GOLM1: variants seen among roughly 807,000 people sequenced by gnomAD.
GOLM1 encodes epididymis luminal protein 46.
GOLM1 carries 31 observed loss-of-function variants against 50.5 expected under a neutral mutation model. The ratio of observed to expected loss-of-function variants is 0.61; its 90% CI spans 0.46 to 0.83. The LOEUF is 0.83. Ranked by LOEUF, GOLM1 falls within the 40% of genes least tolerant of loss-of-function variation. GOLM1 has a pLI of 0.00. For synonymous variants in GOLM1, 178 were observed against 192.8 expected, an observed-to-expected ratio of 0.92 and a Z score of 0.64; for missense variants, 491 against 501.3, an observed-to-expected ratio of 0.98 and a Z score of 0.20.
At chr9:86,058,087 C>T (rs999798056) in intron 3 of GOLM1, among the ~76,000 whole-genome samples, 1 of 152,116 alleles carries the variant, frequency 6.6e-6, no homozygotes, top group African/African-American at 2.4e-5. Context: ...ATCTTAGTAA[C>T]CTAGGAATGA....
At position 86,026,850 on chromosome 9, in the gene GOLM1, G is replaced by A. The variant is rs1016501919; in HGVS notation, c.*967C>T. The A allele has an allele frequency of 2.8e-5, 27 of 978,810 alleles. No individual in the cohort carries two copies. Among genetic ancestry groups the A allele is most frequent in the Middle Eastern group, 5.2e-4 (1 of 1,928 alleles). The allele number at this position is 978,810 out of a possible 1,614,324, so 60.6% of individuals were successfully genotyped here. A position where few individuals can be genotyped will look rare whatever the true frequency, so the allele number is the denominator to read the frequency against. ...GTACACTATGATAAAAACAACCATT[G>A]TATTCCTGTTTTTCTAAACAGTCCT... On this transcript the variant is annotated 3_prime_UTR_variant, in exon 10 of 10. Coordinates refer to ENST00000388712, the MANE Select transcript of GOLM1 (RefSeq NM_016548.4).
intron 4 of GOLM1, 59 bp from the exon 5 acceptor site, chr9:86,046,631 C>T (rs930996803): frequency 1.3e-5 from 13 of 1,011,160 alleles, no homozygotes; most frequent in Non-Finnish European, 2.0e-5. Flanking sequence ...TGCCATTCAG[C>T]CAAAATATGA....
chr9:86,045,728 A>G (rs1003588443), intron 5 of GOLM1, among the ~76,000 whole-genome samples: 13 of 151,588 alleles, frequency 8.6e-5, no homozygotes, highest in African/African-American at 3.2e-4. Flanking sequence ...ACATAACGCA[A>G]GTAAAAAAAT....
At chr9:86,077,635 A>G in intron 2 of GOLM1, 44 bp from the exon 3 acceptor site, 1 of 1,477,562 alleles carries the variant, frequency 6.8e-7, no homozygotes, top group Non-Finnish European at 9.4e-7. Context: ...AAGTTACCTG[A>G]GGAGCCTGGA....
intron 6 of GOLM1, among the ~76,000 whole-genome samples, chr9:86,039,222 G>A (rs1232011534): frequency 1.3e-5 from 2 of 152,224 alleles, no homozygotes; most frequent in African/African-American, 4.8e-5. Flanking sequence ...GGATATCACA[G>A]TTATTAGGGA....
At chr9:86,037,438 C>CAAAAAAAAA (rs112398885) in intron 6 of GOLM1, among the ~76,000 whole-genome samples, 1 of 59,210 alleles carries the variant, frequency 1.7e-5, no homozygotes, top group African/African-American at 4.7e-5. Flanking sequence ...GACTGTCTCT[C>CAAAAAAAAA]AAAAAAAAAA....
intron 1 of GOLM1, among the ~76,000 whole-genome samples, chr9:86,094,841 T>C (rs1349916904): frequency 4.6e-5 from 7 of 152,134 alleles, no homozygotes; most frequent in Non-Finnish European, 1.0e-4. Context: ...CCCAGCACTT[T>C]GGGAGGCCAA....
intron 3 of GOLM1, among the ~76,000 whole-genome samples, chr9:86,060,974 A>G (rs952026694): frequency 6.7e-6 from 1 of 149,904 alleles, no homozygotes; most frequent in Admixed American, 6.7e-5. Context: ...AATACTTGAC[A>G]TGAGGAATTC....
intron 1 of GOLM1, chr9:86,080,262 T>C (rs1282841565): frequency 2.0e-5 from 3 of 152,206 alleles, no homozygotes; most frequent in Admixed American, 1.3e-4. Context: ...AAAGATGCCA[T>C]AAATTTTGTT....
intron 3 of GOLM1, among the ~76,000 whole-genome samples, chr9:86,068,417 G>C (rs6559896): frequency 0.36 from 55,059 of 152,142 alleles, 12,970 homozygotes; most frequent in African/African-American, 0.66. Context: ...TCCTCCCGCT[G>C]GTCAGGTCTG....
rs34980216 is a variant in GOLM1, at chr9:86,068,976, G to GTT, written c.309+8434_309+8435dup. On this transcript the variant is annotated intron_variant, in intron 3 of 9. Transcript: ENST00000388712. ...GGTACAATAAGCCAACAATGTCTGG[G>GTT]TTTTTTTTTTTAACAATATGCAAAA... 9.4e-3 allele frequency among the ~76,000 whole-genome samples: 1,402 copies of GTT among 148,722 alleles called. 16 individuals are homozygous for GTT. The highest frequency in any genetic ancestry group is 0.031 in the African/African-American group (1,261 of 40,940).
At chr9:86,093,268 T>C (rs554204093) in intron 1 of GOLM1, among the ~76,000 whole-genome samples, 1 of 151,704 alleles carries the variant, frequency 6.6e-6, no homozygotes, top group East Asian at 1.9e-4. Context: ...TCCCAGCTAC[T>C]TGGGAGGCTG....
intron 5 of GOLM1, among the ~76,000 whole-genome samples, chr9:86,043,516 A>T (rs1040878543): frequency 6.6e-6 from 1 of 152,226 alleles, no homozygotes; most frequent in African/African-American, 2.4e-5. Flanking sequence ...TAAGTTTGCT[A>T]ACAAAGTGTT....
At position 86,046,393 on chromosome 9, in the gene GOLM1, G is replaced by A. The variant is rs1474544519; in HGVS notation, c.467+77C>T. 3.5e-6 allele frequency: 3 copies of A among 846,256 alleles called. No homozygotes were observed. The African/African-American group carries it at 5.0e-5, about 14-fold the overall frequency. 52.4% of individuals were successfully genotyped at this position (846,256 alleles called of 1,614,324 possible). ...GCAGAAGGTGCATGCTCTATCGGAG[G>A]TTACATCTCAGCTTAATCCCCGCCT... On this transcript the variant is annotated intron_variant, in intron 5 of 9. Transcript: ENST00000388712.
At chr9:86,067,436 AT>A (rs1367340348) in intron 3 of GOLM1, among the ~76,000 whole-genome samples, 5 of 152,238 alleles carry the variant, frequency 3.3e-5, no homozygotes, top group African/African-American at 1.2e-4. Flanking sequence ...AGAAAACAGT[AT>A]TTCACTGGTG....
At position 86,053,686 on chromosome 9, in the gene GOLM1, A is replaced by ACTC. The variant is rs1833890095; in HGVS notation, c.310-1096_310-1095insGAG. Among the ~76,000 whole-genome samples, 46 of 88,348 alleles carry ACTC rather than the reference A, an allele frequency of 5.2e-4. 2 individuals carry two copies. The highest frequency in any genetic ancestry group is 8.2e-3 in the Middle Eastern group (1 of 122). 58.0% of individuals were successfully genotyped at this position (88,348 alleles called of 152,430 possible). ...CTCCACACACGGCACACCACTCCAC[A>ACTC]CACACCACACACATCACATACCCCA... is the stretch of plus-strand genomic sequence containing the variant. On this transcript the variant is annotated intron_variant, in intron 3 of 9. Coordinates refer to ENST00000388712, the MANE Select transcript of GOLM1 (RefSeq NM_016548.4).
At chr9:86,088,525 T>C (rs1333511960) in intron 1 of GOLM1, among the ~76,000 whole-genome samples, 1 of 147,690 alleles carries the variant, frequency 6.8e-6, no homozygotes, top group Non-Finnish European at 1.5e-5. Flanking sequence ...TTTAAATCTT[T>C]GTTGGTTTAA....
intron 3 of GOLM1, among the ~76,000 whole-genome samples, chr9:86,058,194 GAAATA>G (rs1472139201): frequency 1.5e-4 from 23 of 152,254 alleles, no homozygotes; most frequent in African/African-American, 5.5e-4. Context: ...CTATTCAATA[GAAATA>G]AAATGTCAGT....
chr9:86,045,714 A>G (rs1833517148), intron 5 of GOLM1, among the ~76,000 whole-genome samples: 1 of 151,812 alleles, frequency 6.6e-6, no homozygotes, highest in African/African-American at 2.4e-5. Flanking sequence ...ACACACACAC[A>G]CGTACATAAC....
Sources: gnomAD v4.1 joint callset for allele counts (sites outside exome capture counted in the v4.1 genomes callset) on GRCh38, gnomAD v4.1.1 for gene constraint, MANE v1.5 for transcripts, NCBI Gene and HGNC (gene_info 2026-07-23, HGNC 2026-07-21) for gene names.